The following LMX1A variants were observed in gnomAD, a reference collection of about 807,000 sequenced individuals.
LMX1A encodes LIM homeobox transcription factor 1 alpha.
Under a neutral mutation model 49.1 loss-of-function variants are expected in LMX1A, and 15 were observed. The ratio of observed to expected loss-of-function variants is 0.31; its 90% CI spans 0.20 to 0.47. LMX1A has a LOEUF of 0.47. Ranked by LOEUF, LMX1A falls within the 20% of genes least tolerant of loss-of-function variation. The pLI is 1.00. For missense variants in LMX1A, 372 were observed against 475.8 expected (o/e 0.78, Z 2.03); for synonymous variants, 167 against 185.7 (o/e 0.90, Z 0.82).
intron 4 of LMX1A, among the ~76,000 whole-genome samples, chr1:165,237,458 CCGCCCGCCT>C (rs1557859167): frequency 1.3e-5 from 2 of 152,114 alleles, no homozygotes; most frequent in South Asian, 4.1e-4. Context: ...ATCTCGTGAT[CCGCCCGCCT>C]CGGCCTCCCA....
intron 3 of LMX1A, among the ~76,000 whole-genome samples, chr1:165,339,748 G>A (rs564863288): frequency 6.6e-6 from 1 of 152,166 alleles, no homozygotes; most frequent in Non-Finnish European, 1.5e-5. Flanking sequence ...GGGAAGGAGT[G>A]GTTGGGAAGG....
chr1:165,308,579 A>T (rs984185241), intron 3 of LMX1A, among the ~76,000 whole-genome samples: 2 of 152,222 alleles, frequency 1.3e-5, no homozygotes, highest in Admixed American at 1.3e-4. Context: ...GCACTTTCTC[A>T]AAGTTGTATC....
chr1:165,207,103 A>T (rs985163489), intron 7 of LMX1A, among the ~76,000 whole-genome samples: 23 of 152,182 alleles, frequency 1.5e-4, no homozygotes, highest in African/African-American at 5.3e-4. Context: ...AAAGCTTGTT[A>T]AAAAGGCAGA....
chr1:165,294,251 CTTTCAGCT>C (rs140141512), intron 3 of LMX1A, among the ~76,000 whole-genome samples: 7,101 of 152,324 alleles, frequency 0.047, 556 homozygotes, highest in African/African-American at 0.16. Flanking sequence ...AGCCCAGGCT[CTTTCAGCT>C]GAACCACTCA....
intron 3 of LMX1A, among the ~76,000 whole-genome samples, chr1:165,270,337 T>G (rs1653757946): frequency 6.6e-6 from 1 of 152,186 alleles, no homozygotes; most frequent in Non-Finnish European, 1.5e-5. Flanking sequence ...CAATTCTGTG[T>G]CTCATGTGGG....
At position 165,249,471 on chromosome 1, in the gene LMX1A, T is replaced by G; in HGVS notation, c.433A>C (p.Lys145Gln). Reference protein sequence around the residue: ...FVLKEGQLLCKGDYEKERELL... With the variant: ...FVLKEGQLLCQGDYEKERELL... ...TCCCGCTCCTTCTCATAGTCCCCTT[T>G]GCAGAGCAGCTGCCCCTCCTTCAGG... The change falls in exon 4 of 9, where the codon AAA becomes CAA. Residue 145 changes from lysine (K) to glutamine (Q), a missense_variant. Physicochemically the swap from Lys to Gln is moderately conservative, Grantham distance 53. This residue lies in a region of LMX1A where 199 missense variants were observed against 244.0 expected (regional missense o/e 0.82). Coordinates refer to ENST00000342310, the MANE Select transcript of LMX1A (RefSeq NM_177398.4). 1 of 1,614,178 alleles carries G rather than the reference T, an allele frequency of 6.2e-7. No homozygotes were observed. Among genetic ancestry groups the G allele is most frequent in the Non-Finnish European group, 8.5e-7 (1 of 1,180,020 alleles).
At chr1:165,247,050 T>TTTTA (rs1652874603) in intron 4 of LMX1A, among the ~76,000 whole-genome samples, 1 of 138,436 alleles carries the variant, frequency 7.2e-6, no homozygotes. Context: ...CAGATCAGCT[T>TTTTA]TTTCTTTTTT....
chr1:165,294,900 G>C, intron 3 of LMX1A, among the ~76,000 whole-genome samples: 1 of 152,064 alleles, frequency 6.6e-6, no homozygotes, highest in Non-Finnish European at 1.5e-5. Flanking sequence ...GGAGGCAGAG[G>C]TTGCAATGAG....
At chr1:165,319,284 T>C (rs1014106337) in intron 3 of LMX1A, among the ~76,000 whole-genome samples, 2 of 152,100 alleles carry the variant, frequency 1.3e-5, no homozygotes, top group African/African-American at 4.8e-5. Flanking sequence ...ATAGTTATGA[T>C]GTGCAAATGA....
In LMX1A at chr1:165,239,157, C is replaced by A. The variant is rs183615085; in HGVS notation, c.496+10251G>T. ...GAGAAATGAATGCACACAGATAACACACTATTGCTGATTAAATATGCTGTG... is the reference window on the plus strand; with the variant it reads ...GAGAAATGAATGCACACAGATAACAAACTATTGCTGATTAAATATGCTGTG... On this transcript the variant is annotated intron_variant, in intron 4 of 8. Coordinates refer to ENST00000342310, the MANE Select transcript of LMX1A (RefSeq NM_177398.4). 2.6e-5 allele frequency among the ~76,000 whole-genome samples: 4 copies of A among 152,328 alleles called. No individual in the cohort carries two copies. In the East Asian group the frequency reaches 7.7e-4, roughly 29 times the overall value.
intron 4 of LMX1A, among the ~76,000 whole-genome samples, chr1:165,230,512 C>T (rs527473257): frequency 2.6e-5 from 4 of 152,286 alleles, no homozygotes; most frequent in South Asian, 4.1e-4. Flanking sequence ...ACATATTAGA[C>T]AATAACTTTA....
rs149656079 is a variant in LMX1A at position 165,345,675 on chromosome 1, C to T, written c.263+7401G>A. On this transcript the variant is annotated intron_variant, in intron 3 of 8. Transcript: ENST00000342310. Reference sequence around the variant, plus strand: ...CATACCTGAGAGTTACGCTACTCACCGTCTATTTGCCTGAGCCCCACCCAA... The same window carrying T: ...CATACCTGAGAGTTACGCTACTCACTGTCTATTTGCCTGAGCCCCACCCAA... Among the ~76,000 whole-genome samples, 879 of 152,264 alleles carry T rather than the reference C, an allele frequency of 5.8e-3. 3 individuals are homozygous for T. Among genetic ancestry groups the T allele is most frequent in the Non-Finnish European group, 9.5e-3 (648 of 68,028 alleles).
intron 3 of LMX1A, among the ~76,000 whole-genome samples, chr1:165,352,444 G>T (rs1309369678): frequency 1.3e-5 from 2 of 152,192 alleles, no homozygotes; most frequent in Non-Finnish European, 2.9e-5. Context: ...TGCATCCGAG[G>T]GTTCTGCAGA....
chr1:165,341,432 A>C (rs559476235), intron 3 of LMX1A, among the ~76,000 whole-genome samples: 2 of 152,280 alleles, frequency 1.3e-5, no homozygotes, highest in East Asian at 3.9e-4. Context: ...AACAACCCCA[A>C]GCAAGTCACG....
At chr1:165,251,262 T>C (rs142590568) in intron 3 of LMX1A, among the ~76,000 whole-genome samples, 1,525 of 152,196 alleles carry the variant, frequency 0.01, 9 homozygotes, top group Non-Finnish European at 0.016. Context: ...TTTGTATTTT[T>C]AGTAGAGATG....
rs61800570 is a variant in LMX1A, at chr1:165,355,864, C to T, written c.-22-283G>A. 48,459 of 417,140 alleles carry T rather than the reference C, an allele frequency of 0.12. 3,023 individuals are homozygous for T. The highest frequency in any genetic ancestry group is 0.16 in the South Asian group (4,746 of 28,946). 25.8% of individuals were successfully genotyped at this position (417,140 alleles called of 1,614,324 possible). A position where few individuals can be genotyped will look rare whatever the true frequency, so the allele number is the denominator to read the frequency against. ...CTGCCCCCCTCACCCCCACCTACAT[C>T]CCTTGCCCCAGGTTTTCCATCCCGA... On this transcript the variant is annotated intron_variant, in intron 1 of 8. Coordinates refer to ENST00000342310, the MANE Select transcript of LMX1A (RefSeq NM_177398.4). The surrounding 1 kb of genome is among the most constrained non-coding windows in gnomAD (Gnocchi z 4.7).
intron 3 of LMX1A, among the ~76,000 whole-genome samples, chr1:165,278,341 T>G (rs1288938135): frequency 6.6e-6 from 1 of 152,230 alleles, no homozygotes; most frequent in African/African-American, 2.4e-5. Flanking sequence ...TCAAGAGCTG[T>G]GTCTGGGACG....
intron 3 of LMX1A, among the ~76,000 whole-genome samples, chr1:165,349,134 G>A (rs1340917855): frequency 6.6e-6 from 1 of 152,216 alleles, no homozygotes; most frequent in South Asian, 2.1e-4. Context: ...GACCCACAGA[G>A]CCAGGCACAT....
chr1:165,285,111 A>G (rs1025544247), intron 3 of LMX1A, among the ~76,000 whole-genome samples: 9 of 152,246 alleles, frequency 5.9e-5, no homozygotes, highest in Non-Finnish European at 1.2e-4. Flanking sequence ...CTGGTTTTAA[A>G]TATTAATCTG....
Sources: gnomAD v4.1 joint callset for allele counts (sites outside exome capture counted in the v4.1 genomes callset) on GRCh38, gnomAD v4.1.1 for gene constraint, gnomAD v4.1.1 regional missense constraint, Gnocchi (gnomAD v3.1) non-coding constraint, MANE v1.5 for transcripts, NCBI Gene and HGNC (gene_info 2026-07-23, HGNC 2026-07-21) for gene names.